Variants in ASTN2 observed in about 807,000 individuals in gnomAD.
The protein encoded by ASTN2 is astrotactin 2, also known as astrotactin-2.
Under a neutral mutation model 139.8 loss-of-function variants are expected in ASTN2, and 54 were observed. The observed-to-expected ratio is 0.39, with a 90% confidence interval of 0.31 to 0.48. The LOEUF (loss-of-function observed/expected upper bound fraction) is 0.48, where lower values mean the gene tolerates loss of function less well. Among genes scored for constraint, ASTN2 ranks in the 20% least tolerant of loss-of-function variants. The pLI is 0.95. For missense variants in ASTN2, 1,565 were observed against 1,725.1 expected (o/e 0.91, Z 1.64); for synonymous variants, 756 against 719.5 (o/e 1.05, Z -0.81).
At chr9:117,021,927 G>A (rs572144456) in intron 6 of ASTN2, among the ~76,000 whole-genome samples, 4 of 152,300 alleles carry the variant, frequency 2.6e-5, no homozygotes, top group South Asian at 2.1e-4. Flanking sequence ...TAGTTCTACT[G>A]TGAAATAAAA....
At chr9:116,516,541 C>T (rs1015705808) in intron 19 of ASTN2, among the ~76,000 whole-genome samples, 2 of 152,184 alleles carry the variant, frequency 1.3e-5, no homozygotes, top group Non-Finnish European at 2.9e-5. Flanking sequence ...GACAGAGCAG[C>T]GTGGGGAGAC....
At chr9:117,014,642 G>T (rs1404590132) in intron 6 of ASTN2, among the ~76,000 whole-genome samples, 1 of 152,110 alleles carries the variant, frequency 6.6e-6, no homozygotes, top group Non-Finnish European at 1.5e-5. Flanking sequence ...ATATGCTGCA[G>T]TTCTAACCTC....
chr9:117,089,098 C>T lies in ASTN2; in HGVS notation c.1276+6946G>A, dbSNP rs190064391. 8.1e-4 allele frequency among the ~76,000 whole-genome samples: 123 copies of T among 152,292 alleles called. 1 individual carries two copies. Among genetic ancestry groups the T allele is most frequent in the African/African-American group, 2.7e-3 (114 of 41,560 alleles). Reference sequence around the variant, plus strand: ...GTGCTGAGGCTCCATTTTCTCACTGCCCAGCAGCATGGTTATTAGGGTTGC... The same window carrying T: ...GTGCTGAGGCTCCATTTTCTCACTGTCCAGCAGCATGGTTATTAGGGTTGC... On this transcript the variant is annotated intron_variant, in intron 5 of 22. Transcript: ENST00000313400.
Position 116,887,632 on chromosome 9 carries a change from G to A in ASTN2, c.1890-23899C>T, listed in dbSNP as rs553728051. 2.6e-5 allele frequency among the ~76,000 whole-genome samples: 4 copies of A among 152,198 alleles called. No homozygotes were observed. In the East Asian group the frequency reaches 7.8e-4, roughly 30 times the overall value. On this transcript the variant is annotated intron_variant, in intron 10 of 22. Transcript: ENST00000313400. ...ATGCACAAGTGTTAAGGAGTTTTGA[G>A]CAAAGACTGCAATGATGTAATTTAC...
chr9:117,191,505 T>C (rs999060299), intron 3 of ASTN2, among the ~76,000 whole-genome samples: 23 of 152,346 alleles, frequency 1.5e-4, no homozygotes, highest in Middle Eastern at 3.4e-3. Context: ...ACTTTTATAA[T>C]TAAGAAATAT....
chr9:117,013,233 T>A (rs1299449988), intron 6 of ASTN2, among the ~76,000 whole-genome samples: 1 of 152,176 alleles, frequency 6.6e-6, no homozygotes, highest in Admixed American at 6.5e-5. Flanking sequence ...TATTTGGGAA[T>A]ACAAACTACA....
Position 117,342,678 on chromosome 9 carries a change from C to T in ASTN2, c.443-51165G>A, listed in dbSNP as rs561743062. The stretch of plus-strand genomic sequence containing the variant: ...AAAATGAGGGGAGACTGACTTAACA[C>T]GCAATATTACCATTTTCAAACTGTG... On this transcript the variant is annotated intron_variant, in intron 1 of 22. Transcript: ENST00000313400. Among the ~76,000 whole-genome samples, 17 of 152,290 alleles carry T rather than the reference C, an allele frequency of 1.1e-4. No individual in the cohort carries two copies. In the South Asian group the frequency reaches 3.5e-3, roughly 32 times the overall value.
intron 2 of ASTN2, among the ~76,000 whole-genome samples, chr9:117,256,484 C>A (rs1022750984): frequency 6.6e-6 from 1 of 152,136 alleles, no homozygotes; most frequent in Non-Finnish European, 1.5e-5. Context: ...AAAGGTAAAG[C>A]AAGTGAGGCT....
At chr9:116,537,853 G>A (rs1246041604) in intron 19 of ASTN2, among the ~76,000 whole-genome samples, 1 of 152,150 alleles carries the variant, frequency 6.6e-6, no homozygotes, top group Non-Finnish European at 1.5e-5. Context: ...AGCCATGAAA[G>A]CAGGGATTAG....
intron 1 of ASTN2, among the ~76,000 whole-genome samples, chr9:117,359,127 T>C (rs575140696): frequency 6.6e-6 from 1 of 152,280 alleles, no homozygotes; most frequent in South Asian, 2.1e-4. Context: ...GGATCAAACT[T>C]GTATTCTGGA....
At chr9:117,332,308 T>G (rs1828736615) in intron 1 of ASTN2, among the ~76,000 whole-genome samples, 1 of 152,170 alleles carries the variant, frequency 6.6e-6, no homozygotes, top group South Asian at 2.1e-4. Context: ...TGGTGGCTCA[T>G]GCCTGTAATC....
At chr9:117,028,412 C>T (rs1471369426) in intron 6 of ASTN2, among the ~76,000 whole-genome samples, 2 of 152,128 alleles carry the variant, frequency 1.3e-5, no homozygotes, top group South Asian at 2.1e-4. Context: ...TGGGTAGCAG[C>T]GCTGGGGAAG....
intron 2 of ASTN2, among the ~76,000 whole-genome samples, chr9:117,271,090 A>G (rs1834052948): frequency 6.6e-6 from 1 of 152,180 alleles, no homozygotes; most frequent in Admixed American, 6.5e-5. Flanking sequence ...CTGGACTTGT[A>G]TCAGTCCATT....
intron 16 of ASTN2, among the ~76,000 whole-genome samples, chr9:116,704,498 TG>T (rs751393988): frequency 2.5e-4 from 38 of 152,206 alleles, no homozygotes; most frequent in Admixed American, 8.5e-4. Flanking sequence ...AGGGCTGTTG[TG>T]AGAATTAAAA....
At chr9:117,052,852 G>A (rs779000474) in intron 5 of ASTN2, among the ~76,000 whole-genome samples, 12 of 152,302 alleles carry the variant, frequency 7.9e-5, no homozygotes, top group East Asian at 1.9e-4. Flanking sequence ...CTGGTCATGC[G>A]ATTCAAAACT....
At chr9:116,863,459 A>T (rs1289252946) in intron 11 of ASTN2, 124 bp downstream of exon 11, 1 of 1,267,902 alleles carries the variant, frequency 7.9e-7, no homozygotes, top group African/African-American at 1.5e-5. Context: ...TGAAGGCCGC[A>T]GAGGCAGATA....
At chr9:116,550,806 G>A (rs963291421) in intron 19 of ASTN2, among the ~76,000 whole-genome samples, 2 of 152,152 alleles carry the variant, frequency 1.3e-5, no homozygotes, top group African/African-American at 4.8e-5. Flanking sequence ...GTAAAGTTAG[G>A]GCTTAAACTC....
At chr9:116,777,345 T>C (rs757190572) in intron 13 of ASTN2, among the ~76,000 whole-genome samples, 5 of 152,118 alleles carry the variant, frequency 3.3e-5, no homozygotes, top group Non-Finnish European at 7.4e-5. Context: ...GGTGTCATCA[T>C]CTCACCCTCT....
rs369051353 is a variant in ASTN2, at chr9:116,425,665, C to T, written c.*186G>A. The stretch of plus-strand genomic sequence containing the variant: ...AAAGATAGAGAAAAATGAATAATTC[C>T]ATTGGTTACAAAGGTCTCTGTCCAC... On this transcript the variant is annotated 3_prime_UTR_variant, in exon 23 of 23. Coordinates refer to ENST00000313400, the MANE Select transcript of ASTN2 (RefSeq NM_001365068.1). The T allele has an allele frequency of 6.2e-7, 1 of 1,609,408 alleles. No homozygotes were observed. Among genetic ancestry groups the T allele is most frequent in the Non-Finnish European group, 8.5e-7 (1 of 1,178,300 alleles).
Sources: allele counts gnomAD v4.1 joint callset (sites outside exome capture counted in the v4.1 genomes callset), GRCh38; gene constraint gnomAD v4.1.1; transcripts MANE v1.5; gene names NCBI Gene and HGNC (gene_info 2026-07-23, HGNC 2026-07-21).